PCDHGB3: variants seen among roughly 807,000 people sequenced by gnomAD.
PCDHGB3 encodes the protein protocadherin gamma-B3.
PCDHGB3 carries 40 observed loss-of-function variants against 59.2 expected under a neutral mutation model. The ratio of observed to expected loss-of-function variants is 0.68; its 90% CI spans 0.52 to 0.88. The LOEUF (loss-of-function observed/expected upper bound fraction) is 0.88, where lower values mean the gene tolerates loss of function less well. PCDHGB3 is among the 40% of genes least tolerant of loss of function. The probability of loss-of-function intolerance (pLI) is 0.00; values close to 1 mark genes in which losing one functional copy is unlikely to be tolerated. For missense variants in PCDHGB3, 1,309 were observed against 1,187.9 expected (o/e 1.10, Z -1.50); for synonymous variants, 581 against 503.6 (o/e 1.15, Z -2.06).
At chr5:141,421,429 G>T in intron 1 of PCDHGB3, 1 of 1,614,090 alleles carries the variant, frequency 6.2e-7, no homozygotes, top group Non-Finnish European at 8.5e-7. Flanking sequence ...AGTCCGCATC[G>T]TCTCCAGAGG....
intron 1 of PCDHGB3, chr5:141,427,316 C>G: frequency 2.2e-6 from 1 of 457,002 alleles, no homozygotes; most frequent in Non-Finnish European, 4.4e-6. Context: ...ATGCCCCAGA[C>G]GTGGTTTTTA....
At chr5:141,494,099 C>T (rs976610819) in intron 1 of PCDHGB3, among the ~76,000 whole-genome samples, 3 of 152,172 alleles carry the variant, frequency 2.0e-5, no homozygotes, top group South Asian at 2.1e-4. Context: ...CATTTTTCTC[C>T]GTCTCAGACA....
In PCDHGB3 at chr5:141,433,837, CA is replaced by C. The variant is rs56191208; in HGVS notation, c.2416-60952del. ...GGGCAACAAGAGTGAAACTCTATCT[CA>C]AAAAAAAAAAAAAAAAACTTTATCC... On this transcript the variant is annotated intron_variant, in intron 1 of 3. Coordinates refer to ENST00000576222, the MANE Select transcript of PCDHGB3 (RefSeq NM_018924.5). Among the ~76,000 whole-genome samples, 895 of 111,670 alleles carry C rather than the reference CA, an allele frequency of 8.0e-3. 6 individuals carry two copies. Among genetic ancestry groups the C allele is most frequent in the South Asian group, 0.02 (67 of 3,288 alleles). The allele number at this position is 111,670 out of a possible 152,430, so 73.3% of individuals were successfully genotyped here. A position where few individuals can be genotyped will look rare whatever the true frequency, so the allele number is the denominator to read the frequency against.
At chr5:141,399,205 A>G (rs1344993471) in intron 1 of PCDHGB3, 1 of 1,613,982 alleles carries the variant, frequency 6.2e-7, no homozygotes, top group Admixed American at 1.7e-5. Flanking sequence ...GGTGCCTGGA[A>G]CACTAATTGC....
rs759446483 is a variant in PCDHGB3 at position 141,376,133 on chromosome 5, C to T, written c.2415+3324C>T. On this transcript the variant is annotated intron_variant, in intron 1 of 3. Coordinates refer to ENST00000576222, the MANE Select transcript of PCDHGB3 (RefSeq NM_018924.5). ...GGGCAGCCTCGAGCCCTCCGCCAAA[C>T]CCAACGATTCGGACCTCACTCTGTA... 1.8e-5 allele frequency: 29 copies of T among 1,613,956 alleles called. No homozygotes were observed. The East Asian group carries it at 6.2e-4, about 35-fold the overall frequency.
rs978109236 is a variant in PCDHGB3, at chr5:141,418,889, A to G, written c.2415+46080A>G. 1.9e-6 allele frequency: 3 copies of G among 1,614,020 alleles called. No homozygotes were observed. The African/African-American group carries it at 4.0e-5, about 21-fold the overall frequency. On this transcript the variant is annotated intron_variant, in intron 1 of 3. Coordinates refer to ENST00000576222, the MANE Select transcript of PCDHGB3 (RefSeq NM_018924.5). Reference sequence around the variant, plus strand: ...AGAAGTTGTAGACGAAAACGACAACAGCCCAGAAATAATCATCACGTCACT... The same window carrying G: ...AGAAGTTGTAGACGAAAACGACAACGGCCCAGAAATAATCATCACGTCACT...
In PCDHGB3 at chr5:141,402,929, A is replaced by G. The variant is rs751760276; in HGVS notation, c.2415+30120A>G. 12 of 1,583,076 alleles carry G rather than the reference A, an allele frequency of 7.6e-6. No individual in the cohort carries two copies. In the South Asian group the frequency reaches 1.3e-4, roughly 17 times the overall value. On this transcript the variant is annotated intron_variant, in intron 1 of 3. Coordinates refer to ENST00000576222, the MANE Select transcript of PCDHGB3 (RefSeq NM_018924.5). ...AGCAGCGCGCACAGAGATCCTTTTG[A>G]GAAAATTCCAAAGCGAGGCAGCAAT...
At position 141,487,578 on chromosome 5, in the gene PCDHGB3, C is replaced by T. The variant is rs1293087014; in HGVS notation, c.2416-7229C>T. The T allele has an allele frequency of 1.2e-6, 2 of 1,614,052 alleles. No individual in the cohort carries two copies. Among genetic ancestry groups the T allele is most frequent in the Non-Finnish European group, 1.7e-6 (2 of 1,180,044 alleles). ...CCTATGGCAGGGGAGCCTGTTCGCC[C>T]AAGCTGCCCACCCTCTGATCTTCTC... On this transcript the variant is annotated intron_variant, in intron 1 of 3. Coordinates refer to ENST00000576222, the MANE Select transcript of PCDHGB3 (RefSeq NM_018924.5). The surrounding 1 kb of genome is among the most constrained non-coding windows in gnomAD (Gnocchi z 5.0).
chr5:141,422,342 TG>T, intron 1 of PCDHGB3: 1 of 1,551,514 alleles, frequency 6.4e-7, no homozygotes. Context: ...CTTCTAAATG[TG>T]CAAGATCAAG....
intron 1 of PCDHGB3, chr5:141,423,835 C>T (rs1371309974): frequency 1.2e-5 from 15 of 1,278,290 alleles, no homozygotes; most frequent in African/African-American, 9.4e-5. Flanking sequence ...CATGAGATTA[C>T]GATAATCTTT....
In PCDHGB3 at chr5:141,476,255, G is replaced by A. The variant is rs767691159; in HGVS notation, c.2416-18552G>A. 6.2e-7 allele frequency: 1 copy of A among 1,614,090 alleles called. No individual in the cohort carries two copies. Among genetic ancestry groups the A allele is most frequent in the Admixed American group, 1.7e-5 (1 of 60,022 alleles). ...GGAGGAAAGAGAGAAGGGTTTCGCT[G>A]TGGGCAACGTGGTCGCGAACCTTGG... On this transcript the variant is annotated intron_variant, in intron 1 of 3. Transcript: ENST00000576222. The surrounding 1 kb of genome is among the most constrained non-coding windows in gnomAD (Gnocchi z 7.6).
intron 1 of PCDHGB3, chr5:141,410,288 T>G: frequency 6.2e-7 from 1 of 1,614,044 alleles, no homozygotes; most frequent in Non-Finnish European, 8.5e-7. Context: ...GGTGGTGGCC[T>G]TGGCCTTAAT....
Position 141,437,485 on chromosome 5 carries a change from C to T in PCDHGB3, c.2416-57322C>T, listed in dbSNP as rs372023505. The stretch of plus-strand genomic sequence containing the variant: ...TATACTTTTATAGCATATTTAATCT[C>T]GTAGATCACTTTTCAATGAATTATA... On this transcript the variant is annotated intron_variant, in intron 1 of 3. Transcript: ENST00000576222. Among the ~76,000 whole-genome samples, 16 of 152,188 alleles carry T rather than the reference C, an allele frequency of 1.1e-4. No individual in the cohort carries two copies. In the East Asian group the frequency reaches 2.9e-3, roughly 28 times the overall value.
At chr5:141,422,898 C>CTCTG (rs747261683) in intron 1 of PCDHGB3, 4 of 1,614,250 alleles carry the variant, frequency 2.5e-6, no homozygotes, top group Non-Finnish European at 3.4e-6. Flanking sequence ...TGGACCAGAA[C>CTCTG]GACAATGCGC....
chr5:141,440,328 T>G (rs1311315077), intron 1 of PCDHGB3: 1 of 152,102 alleles, frequency 6.6e-6, no homozygotes. Context: ...TTACTGGGCA[T>G]GGTGGTGCAG....
At chr5:141,443,330 C>A (rs1005631067) in intron 1 of PCDHGB3, among the ~76,000 whole-genome samples, 44 of 139,282 alleles carry the variant, frequency 3.2e-4, no homozygotes, top group African/African-American at 4.5e-4. Flanking sequence ...AAAAAAAAAA[C>A]AAAAATTAAC....
chr5:141,473,647 C>T (rs2099326149), intron 1 of PCDHGB3, among the ~76,000 whole-genome samples: 1 of 152,172 alleles, frequency 6.6e-6, no homozygotes, highest in Non-Finnish European at 1.5e-5. Flanking sequence ...GGCAAAGGAA[C>T]AATTTGTGTG....
chr5:141,431,731 T>G lies in PCDHGB3; in HGVS notation c.2415+58922T>G. 6.2e-7 allele frequency: 1 copy of G among 1,614,210 alleles called. No homozygotes were observed. The highest frequency in any genetic ancestry group is 8.5e-7 in the Non-Finnish European group (1 of 1,180,034). Reference sequence around the variant, plus strand: ...AGATGGAAGTGCAAGCAATGGATAATGCAGGATATTCTGCGCGAGCCAAAG... The same window carrying G: ...AGATGGAAGTGCAAGCAATGGATAAGGCAGGATATTCTGCGCGAGCCAAAG... On this transcript the variant is annotated intron_variant, in intron 1 of 3. Coordinates refer to ENST00000576222, the MANE Select transcript of PCDHGB3 (RefSeq NM_018924.5). The surrounding 1 kb of genome is among the most constrained non-coding windows in gnomAD (Gnocchi z 4.8).
chr5:141,442,149 T>C, intron 1 of PCDHGB3: 1 of 159,274 alleles, frequency 6.3e-6, no homozygotes, highest in Non-Finnish European at 1.4e-5. Flanking sequence ...CTGCCAGACC[T>C]CAGCGATCAC....
Sources: allele counts gnomAD v4.1 joint callset (sites outside exome capture counted in the v4.1 genomes callset), GRCh38; gene constraint gnomAD v4.1.1; non-coding constraint Gnocchi (gnomAD v3.1); transcripts MANE v1.5; gene names NCBI Gene and HGNC (gene_info 2026-07-23, HGNC 2026-07-21).